The following STARD9 variants were observed in gnomAD, a reference collection of about 807,000 sequenced individuals.
STARD9 encodes stAR-related lipid transfer protein 9.
A neutral mutation model predicts 399.8 loss-of-function variants in STARD9; 346 were observed. That is an observed-to-expected ratio of 0.87 (90% CI 0.79 to 0.95). The LOEUF (loss-of-function observed/expected upper bound fraction) is 0.95. Ranked by LOEUF, STARD9 falls within the 40% of genes least tolerant of loss-of-function variation. The pLI is 0.00. For synonymous variants in STARD9, 2,203 were observed against 2,143.5 expected (o/e 1.03, Z -0.77); for missense variants, 5,832 against 5,667.5 (o/e 1.03, Z -0.93).
chr15:42,608,232 A>G (rs1203161517), intron 3 of STARD9, among the ~76,000 whole-genome samples: 2 of 152,146 alleles, frequency 1.3e-5, no homozygotes, highest in Non-Finnish European at 2.9e-5. Context: ...GCCCTTCTGC[A>G]AGCTAGTCTT....
At chr15:42,642,283 G>GA (rs1209153841) in intron 7 of STARD9, among the ~76,000 whole-genome samples, 1 of 152,172 alleles carries the variant, frequency 6.6e-6, no homozygotes, top group Non-Finnish European at 1.5e-5. Context: ...GATGGACCTT[G>GA]ATAGCTACCT....
intron 1 of STARD9, among the ~76,000 whole-genome samples, chr15:42,582,455 T>G (rs796982170): frequency 1.3e-5 from 2 of 152,180 alleles, no homozygotes; most frequent in African/African-American, 4.8e-5. Flanking sequence ...TTAAAGTGAG[T>G]GTAGAGATTG....
intron 26 of STARD9, among the ~76,000 whole-genome samples, chr15:42,714,684 A>G (rs560336011): frequency 6.6e-6 from 1 of 152,122 alleles, no homozygotes; most frequent in South Asian, 2.1e-4. Flanking sequence ...GACTCAAGGG[A>G]TTCTCCCGCC....
intron 4 of STARD9, 51 bp downstream of exon 4, chr15:42,635,023 T>G: frequency 2.0e-6 from 2 of 1,008,620 alleles, no homozygotes; most frequent in Non-Finnish European, 2.9e-6. Context: ...GCCTGAACCT[T>G]GCATTGTCCT....
At chr15:42,591,621 A>T (rs903111309) in intron 3 of STARD9, among the ~76,000 whole-genome samples, 2 of 152,124 alleles carry the variant, frequency 1.3e-5, no homozygotes, top group African/African-American at 4.8e-5. Flanking sequence ...AGGCTTCCTT[A>T]TGGTGGTCTT....
At chr15:42,697,149 CA>C (rs1395587516) in intron 26 of STARD9, among the ~76,000 whole-genome samples, 1 of 152,198 alleles carries the variant, frequency 6.6e-6, no homozygotes, top group Non-Finnish European at 1.5e-5. Flanking sequence ...GATGTATATA[CA>C]TCTTTTTGTA....
chr15:42,691,357 C>G lies in STARD9; in HGVS notation c.9779C>G (p.Ser3260Cys). Residue 3260 changes from serine to cysteine, a missense_variant, in exon 23 of 33, where the codon TCC (serine) becomes TGC (cysteine). Physicochemically the swap from Ser to Cys is moderately radical, Grantham distance 112 (BLOSUM62 -1). Around this residue, in one of 2 missense-constraint regions of STARD9, gnomAD observed 5,828 missense variants for 5,651.1 expected, o/e 1.03. Transcript: ENST00000290607. ...EEVAVAKPPV[S>C]KILSQGFKDP... ...GTGGCTGTGGCCAAGCCTCCTGTGT[C>G]CAAGATTTTATCACAGGGCTTCAAA... 2 of 1,537,134 alleles carry G rather than the reference C, an allele frequency of 1.3e-6. No homozygotes were observed. The highest frequency in any genetic ancestry group is 1.2e-5 in the South Asian group (1 of 84,052).
chr15:42,605,240 G>A (rs2058704337), intron 3 of STARD9, among the ~76,000 whole-genome samples: 3 of 152,166 alleles, frequency 2.0e-5, no homozygotes, highest in Admixed American at 2.0e-4. Context: ...TTATAGAGGG[G>A]CTGGATTCAG....
At chr15:42,587,909 C>T (rs186242531) in intron 3 of STARD9, among the ~76,000 whole-genome samples, 16 of 152,262 alleles carry the variant, frequency 1.1e-4, no homozygotes, top group Non-Finnish European at 1.9e-4. Context: ...TATGAGGCAT[C>T]TGGTTACTAG....
rs910322101 is a variant in STARD9, at chr15:42,693,075, G to T, written c.11497G>T (p.Val3833Leu). The stretch of plus-strand genomic sequence containing the variant: ...CCCCGTTGGGCAGCATCTTCCTTCT[G>T]TGAGCCCCTCAGTTTCTGATGCTTT... ...KAPVGQHLPS[V>L]SPSVSDAFLP... Residue 3833 changes from valine (V) to leucine (L), a missense_variant, in exon 23 of 33, where the codon GTG (valine) becomes TTG (leucine). Val to Leu is a conservative substitution (Grantham distance 32, BLOSUM62 1). Around this residue, in one of 2 missense-constraint regions of STARD9, gnomAD observed 5,828 missense variants for 5,651.1 expected, o/e 1.03. Transcript: ENST00000290607. 1 of 1,537,054 alleles carries T rather than the reference G, an allele frequency of 6.5e-7. No individual in the cohort carries two copies. The highest frequency in any genetic ancestry group is 1.2e-5 in the South Asian group (1 of 84,052).
intron 11 of STARD9, 77 bp from the exon 12 acceptor site, chr15:42,663,204 C>T: frequency 7.7e-7 from 1 of 1,299,398 alleles, no homozygotes; most frequent in Non-Finnish European, 1.0e-6. Flanking sequence ...AGTCTGTGTT[C>T]TCCAACCATT....
chr15:42,636,055 G>A (rs1349261979), intron 4 of STARD9, among the ~76,000 whole-genome samples: 1 of 152,132 alleles, frequency 6.6e-6, no homozygotes, highest in African/African-American at 2.4e-5. Context: ...CAACACTTTG[G>A]GGTGGCTGAG....
At chr15:42,604,849 C>T (rs2058698443) in intron 3 of STARD9, among the ~76,000 whole-genome samples, 1 of 151,882 alleles carries the variant, frequency 6.6e-6, no homozygotes, top group African/African-American at 2.4e-5. Flanking sequence ...CACTATGTTG[C>T]TCAGGCTGGT....
intron 3 of STARD9, among the ~76,000 whole-genome samples, chr15:42,628,019 C>T (rs1248892796): frequency 6.6e-6 from 1 of 152,146 alleles, no homozygotes; most frequent in Non-Finnish European, 1.5e-5. Context: ...TACTCTTCTC[C>T]ATAGTGGCTG....
At position 42,685,836 on chromosome 15, in the gene STARD9, AC is replaced by A. The variant is rs1464227691; in HGVS notation, c.4259del (p.Thr1420SerfsTer29). 2.6e-6 allele frequency: 4 copies of A among 1,537,024 alleles called. No homozygotes were observed. In the East Asian group the frequency reaches 9.8e-5, roughly 38 times the overall value. On this transcript the variant is annotated frameshift_variant, in exon 23 of 33. Transcript: ENST00000290607. LOFTEE classifies it high-confidence loss of function. ...RDEHTASAAD[T>X]SRLSLWGIQR... Reference sequence around the variant, plus strand: ...TGAGCACACAGCCTCTGCTGCTGATACGTCTAGGCTGTCTCTCTGGGGAATT... The same window carrying A: ...TGAGCACACAGCCTCTGCTGCTGATAGTCTAGGCTGTCTCTCTGGGGAATT...
intron 3 of STARD9, among the ~76,000 whole-genome samples, chr15:42,607,641 CACACACTTAT>C (rs1054473736): frequency 9.0e-5 from 12 of 133,110 alleles, no homozygotes; most frequent in African/African-American, 1.8e-4. Context: ...ATTATACACA[CACACACTTAT>C]ACACACACAC....
intron 13 of STARD9, among the ~76,000 whole-genome samples, chr15:42,664,816 A>G (rs1270922545): frequency 6.7e-6 from 1 of 149,580 alleles, no homozygotes. Flanking sequence ...ACACACACAC[A>G]CACACACACC....
chr15:42,718,708 G>A, intron 31 of STARD9, 44 bp from the exon 32 acceptor site: 2 of 1,530,322 alleles, frequency 1.3e-6, no homozygotes, highest in Non-Finnish European at 1.8e-6. Context: ...TTCCTGTTTT[G>A]TCCACACTAC....
In STARD9 at chr15:42,717,061, T is replaced by C. The variant is rs779562017; in HGVS notation, c.13494+13T>C. 4 of 1,537,024 alleles carry C rather than the reference T, an allele frequency of 2.6e-6. No homozygotes were observed. Among genetic ancestry groups the C allele is most frequent in the Non-Finnish European group, 3.5e-6 (4 of 1,146,814 alleles). On this transcript the variant is annotated intron_variant, in intron 28 of 32. Coordinates refer to ENST00000290607, the MANE Select transcript of STARD9 (RefSeq NM_020759.3). ...TTCTATGGCTGATGTGAGTAACTGC[T>C]CCCACCCATCCCTACCATTCCTTTA...
Sources: gnomAD v4.1 joint callset for allele counts (sites outside exome capture counted in the v4.1 genomes callset) on GRCh38, gnomAD v4.1.1 for gene constraint, gnomAD v4.1.1 regional missense constraint, MANE v1.5 for transcripts, NCBI Gene and HGNC (gene_info 2026-07-23, HGNC 2026-07-21) for gene names.